IQCN: variants seen among roughly 807,000 people sequenced by gnomAD.
IQCN encodes the protein IQ domain-containing protein N.
In IQCN, 46 loss-of-function variants were observed where a neutral mutation model predicts 64.4. The ratio of observed to expected loss-of-function variants is 0.71; its 90% CI spans 0.56 to 0.91. IQCN has a LOEUF of 0.91. IQCN is among the 40% of genes least tolerant of loss of function. The pLI is 0.00. For missense variants in IQCN, 1,753 were observed against 1,857.4 expected (o/e 0.94, Z 1.03); for synonymous variants, 733 against 775.6 (o/e 0.95, Z 0.91).
chr19:18,273,640 G>T (rs926013192), intron 1 of IQCN, among the ~76,000 whole-genome samples: 9 of 152,124 alleles, frequency 5.9e-5, no homozygotes, highest in Non-Finnish European at 1.2e-4. Context: ...CCTAATTTTT[G>T]AATTTTTAGT....
At chr19:18,270,051 T>TAAAAAAAAAAAAAAAAAAAAAAA (rs60981546) in intron 1 of IQCN, among the ~76,000 whole-genome samples, 4 of 75,860 alleles carry the variant, frequency 5.3e-5, no homozygotes, top group African/African-American at 2.5e-4. Context: ...AACTGTCTCT[T>TAAAAAAAAAAAAAAAAAAAAAAA]AAAAAAAAAA....
intron 2 of IQCN, 32 bp downstream of exon 2, chr19:18,269,434 C>A (rs763589167): frequency 1.2e-6 from 2 of 1,612,116 alleles, no homozygotes; most frequent in Admixed American, 1.7e-5. Context: ...GTTGGACTAG[C>A]CAGACCCCTT....
chr19:18,270,080 T>TAAG (rs1969702658), intron 1 of IQCN, among the ~76,000 whole-genome samples: 5 of 99,046 alleles, frequency 5.0e-5, no homozygotes, highest in Non-Finnish European at 7.5e-5. Context: ...AAAAAAAAAT[T>TAAG]GGCCAGGCGT....
In IQCN at chr19:18,272,580, G is replaced by A. The variant is rs537217545; in HGVS notation, c.-110+1823C>T. 7.7e-4 allele frequency among the ~76,000 whole-genome samples: 117 copies of A among 151,426 alleles called. No individual in the cohort carries two copies. In the South Asian group the frequency reaches 0.013, roughly 17 times the overall value. On this transcript the variant is annotated intron_variant, in intron 1 of 3. Coordinates refer to ENST00000392413, the MANE Select transcript of IQCN (RefSeq NM_001145304.2). ...CCTCTATCCCTAATGCCTCACCAGC[G>A]CCCTCTATTGAGAAATCTTAGCATT...
Position 18,266,130 on chromosome 19 carries a change from T to C in IQCN, c.1410A>G (p.Thr470=), listed in dbSNP as rs1969574066. The change falls in exon 3 of 4, where the codon ACA becomes ACG. Residue 470 remains threonine, a synonymous_variant. Coordinates refer to ENST00000392413, the MANE Select transcript of IQCN (RefSeq NM_001145304.2). The surrounding 1 kb of genome is among the most constrained non-coding windows in gnomAD (Gnocchi z 4.3). The stretch of plus-strand genomic sequence containing the variant: ...TCTTGGACATTGTGGCTGACAGACA[T>C]GTTTGCAATGGGTTTTTGGCTGGGG... The part of the protein sequence containing the change: ...VTTPAKNPLQ[T]CLSATMSKTS... 1 of 1,614,016 alleles carries C rather than the reference T, an allele frequency of 6.2e-7. No individual in the cohort carries two copies. The highest frequency in any genetic ancestry group is 8.5e-7 in the Non-Finnish European group (1 of 1,179,988).
Position 18,266,142 on chromosome 19 carries a change from G to T in IQCN, c.1398C>A (p.Asn466Lys). ...QMHPVTTPAK[N>K]PLQTCLSATM... Reference sequence around the variant, plus strand: ...TGGCTGACAGACATGTTTGCAATGGGTTTTTGGCTGGGGTGGTGACCGGGT... The same window carrying T: ...TGGCTGACAGACATGTTTGCAATGGTTTTTTGGCTGGGGTGGTGACCGGGT... The change falls in exon 3 of 4, where the codon AAC becomes AAA. Residue 466 changes from asparagine to lysine, a missense_variant. Transcript: ENST00000392413. The surrounding 1 kb of genome is among the most constrained non-coding windows in gnomAD (Gnocchi z 4.3). The T allele has an allele frequency of 1.2e-6, 2 of 1,614,172 alleles. No homozygotes were observed. The highest frequency in any genetic ancestry group is 1.7e-6 in the Non-Finnish European group (2 of 1,180,040).
intron 3 of IQCN, chr19:18,260,542 G>C (rs1412346635): frequency 8.5e-5 from 13 of 152,822 alleles, no homozygotes; most frequent in Admixed American, 8.5e-4. Context: ...GCCAGGCTTA[G>C]GGCTTCCGTG....
chr19:18,264,653 G>A lies in IQCN; in HGVS notation c.2887C>T (p.Leu963Phe). Residue 963 changes from leucine (L) to phenylalanine (F), a missense_variant, in exon 3 of 4, where the codon CTC (leucine) becomes TTC (phenylalanine). By Grantham distance (22) the Leu-to-Phe change is conservative. Transcript: ENST00000392413. This position sits in a 1 kb window ranked among gnomAD's most constrained non-coding sequence, Gnocchi z 4.3. ...AATTTACCCTGCATGACCTTGGTGAGTTCCGCCCGCAGCTCGCCCCGGGAC... is the reference window on the plus strand; with the variant it reads ...AATTTACCCTGCATGACCTTGGTGAATTCCGCCCGCAGCTCGCCCCGGGAC... ...ALSRGELRAE[L>F]TKVMQGKLAE... 6.4e-7 allele frequency: 1 copy of A among 1,551,342 alleles called. No individual in the cohort carries two copies. The highest frequency in any genetic ancestry group is 8.7e-7 in the Non-Finnish European group (1 of 1,146,974).
chr19:18,264,578 T>C lies in IQCN; in HGVS notation c.2962A>G (p.Ser988Gly), dbSNP rs1204241700. ...AGCTCACCCTGACACAGGGCCTGGC[T>C]CAGAGCCACCCACTCCTCCTCCGTC... ...ALTEEEWVAL[S>G]QALCQGELGA... The change falls in exon 3 of 4, where the codon AGC (serine) becomes GGC (glycine). Residue 988 changes from serine to glycine, a missense_variant. Coordinates refer to ENST00000392413, the MANE Select transcript of IQCN (RefSeq NM_001145304.2). This position sits in a 1 kb window ranked among gnomAD's most constrained non-coding sequence, Gnocchi z 4.3. 6.4e-7 allele frequency: 1 copy of C among 1,551,162 alleles called. No homozygotes were observed. The highest frequency in any genetic ancestry group is 2.4e-5 in the East Asian group (1 of 40,918).
At chr19:18,272,242 C>T (rs1969748956) in intron 1 of IQCN, among the ~76,000 whole-genome samples, 1 of 151,964 alleles carries the variant, frequency 6.6e-6, no homozygotes, top group African/African-American at 2.4e-5. Flanking sequence ...ATTCTCCTAC[C>T]TCAGCCTCCT....
intron 3 of IQCN, among the ~76,000 whole-genome samples, chr19:18,263,491 G>A (rs569343793): frequency 1.2e-4 from 18 of 152,302 alleles, no homozygotes; most frequent in South Asian, 4.1e-4. Flanking sequence ...GTCTTGGGAC[G>A]AACTTGAGCC....
In IQCN at chr19:18,266,744, T is replaced by C. The variant is rs752961596; in HGVS notation, c.796A>G (p.Ile266Val). 48 of 1,614,034 alleles carry C rather than the reference T, an allele frequency of 3.0e-5. No homozygotes were observed. In the Middle Eastern group the frequency reaches 6.6e-4, roughly 22 times the overall value. ...KCQPCLLTRT[I>V]RSTCLVHIEG... ...ATGTGGACGAGGCAGGTGCTTCTGA[T>C]GGTTCTGGTCAGCAGGCATGGCTGG... The change falls in exon 3 of 4, where the codon ATC (isoleucine) becomes GTC (valine). Residue 266 changes from isoleucine (I) to valine (V), a missense_variant. Coordinates refer to ENST00000392413, the MANE Select transcript of IQCN (RefSeq NM_001145304.2). The surrounding 1 kb of genome is among the most constrained non-coding windows in gnomAD (Gnocchi z 4.3).
At chr19:18,273,181 GCCA>G (rs976718002) in intron 1 of IQCN, among the ~76,000 whole-genome samples, 5 of 151,758 alleles carry the variant, frequency 3.3e-5, no homozygotes, top group African/African-American at 1.2e-4. Context: ...ACAGGCACTT[GCCA>G]CCACACTTGG....
rs761733054 is a variant in IQCN at position 18,257,628 on chromosome 19, C to T, written c.3656G>A (p.Arg1219His). 41 of 1,612,498 alleles carry T rather than the reference C, an allele frequency of 2.5e-5. No individual in the cohort carries two copies. Among genetic ancestry groups the T allele is most frequent in the Admixed American group, 1.0e-4 (6 of 59,984 alleles). Reference sequence around the variant, plus strand: ...GTGTGCCTGGCAGGACTGGAAGCAGCGATGGTCAGATACTGTCCTGGCTCT... The same window carrying T: ...GTGTGCCTGGCAGGACTGGAAGCAGTGATGGTCAGATACTGTCCTGGCTCT... ...DGRARTVSDH[R>H]CFQSCQAHAC... Residue 1219 changes from arginine (R) to histidine (H), a missense_variant, in exon 4 of 4, where the codon CGC becomes CAC. Coordinates refer to ENST00000392413, the MANE Select transcript of IQCN (RefSeq NM_001145304.2).
At chr19:18,268,217 T>TGTGTGTGTG (rs58772952) in intron 2 of IQCN, among the ~76,000 whole-genome samples, 14 of 132,714 alleles carry the variant, frequency 1.1e-4, no homozygotes, top group South Asian at 2.3e-4. Context: ...TGTGTGTGTG[T>TGTGTGTGTG]TTGAAAAAGA....
At position 18,267,260 on chromosome 19, in the gene IQCN, T is replaced by C. The variant is rs1969620507; in HGVS notation, c.280A>G (p.Ile94Val). The change falls in exon 3 of 4, where the codon ATC (isoleucine) becomes GTC (valine). Residue 94 changes from isoleucine (I) to valine (V), a missense_variant. By Grantham distance (29) the Ile-to-Val change is conservative. Transcript: ENST00000392413. The stretch of plus-strand genomic sequence containing the variant: ...ATCATGTCCATCTCGTCTACCAGGA[T>C]GTTCTTGAAGGCCTGGCTCTCGACC... Reference protein sequence around the residue: ...AVVESQAFKNILVDEMDMMHA... With the variant: ...AVVESQAFKNVLVDEMDMMHA... 19 of 1,614,136 alleles carry C rather than the reference T, an allele frequency of 1.2e-5. No individual in the cohort carries two copies. The highest frequency in any genetic ancestry group is 1.6e-5 in the Non-Finnish European group (19 of 1,180,050).
At chr19:18,268,265 T>C (rs1400719681) in intron 2 of IQCN, among the ~76,000 whole-genome samples, 1 of 151,410 alleles carries the variant, frequency 6.6e-6, no homozygotes, top group East Asian at 1.9e-4. Context: ...TATTTGCCTC[T>C]CCCCATTGAT....
At chr19:18,259,978 C>T (rs1325748260) in intron 3 of IQCN, 1 of 152,416 alleles carries the variant, frequency 6.6e-6, no homozygotes, top group Non-Finnish European at 1.5e-5. Flanking sequence ...AGATTCCCAG[C>T]TAGGCCAGGA....
intron 2 of IQCN, among the ~76,000 whole-genome samples, chr19:18,268,961 C>CAAA (rs35086395): frequency 1.5e-3 from 81 of 54,396 alleles, no homozygotes; most frequent in African/African-American, 2.1e-3. Flanking sequence ...GACTCTGTCT[C>CAAA]AAAAAAAAAA....
Sources: gnomAD v4.1 joint callset for allele counts (sites outside exome capture counted in the v4.1 genomes callset) on GRCh38, gnomAD v4.1.1 for gene constraint, Gnocchi (gnomAD v3.1) non-coding constraint, MANE v1.5 for transcripts, NCBI Gene and HGNC (gene_info 2026-07-23, HGNC 2026-07-21) for gene names.